Variants in GSE1 observed in about 807,000 individuals in gnomAD.
GSE1 encodes the protein genetic suppressor element 1.
A neutral mutation model predicts 112.6 loss-of-function variants in GSE1; 32 were observed. The observed-to-expected ratio is 0.28, with a 90% confidence interval of 0.21 to 0.38. The LOEUF is 0.38. Ranked by LOEUF, GSE1 falls within the 10% of genes least tolerant of loss-of-function variation. GSE1 has a pLI of 1.00. For synonymous variants in GSE1, 1,115 were observed against 735.6 expected (o/e 1.52, Z -8.35); for missense variants, 2,348 against 1,699.2 (o/e 1.38, Z -6.71).
At chr16:85,199,470 T>G (rs1285588334) in intron 1 of GSE1, among the ~76,000 whole-genome samples, 3 of 152,300 alleles carry the variant, frequency 2.0e-5, no homozygotes, top group East Asian at 3.9e-4. Context: ...GTGTTTATTT[T>G]AAAATGTAAA....
chr16:85,328,883 G>T (rs935797950), intron 1 of GSE1, among the ~76,000 whole-genome samples: 1 of 152,172 alleles, frequency 6.6e-6, no homozygotes, highest in Admixed American at 6.5e-5. Context: ...CCTTCCAGCT[G>T]CACCCCTGCC....
chr16:85,475,994 G>T (rs111530703), intron 2 of GSE1, among the ~76,000 whole-genome samples: 1 of 152,054 alleles, frequency 6.6e-6, no homozygotes, highest in African/African-American at 2.4e-5. Context: ...GCAGTGACAC[G>T]ATCTTGGCTC....
chr16:85,220,477 T>G (rs2075371883), intron 1 of GSE1, among the ~76,000 whole-genome samples: 2 of 152,208 alleles, frequency 1.3e-5, no homozygotes, highest in African/African-American at 4.8e-5. Context: ...GGGGTTTGTT[T>G]AAGTTCAGCT....
At chr16:85,627,435 T>C (rs2049170071) in intron 1 of GSE1, among the ~76,000 whole-genome samples, 1 of 151,798 alleles carries the variant, frequency 6.6e-6, no homozygotes, top group South Asian at 2.1e-4. Context: ...GCCCCTCAGT[T>C]TGAGGGTGCC....
upstream of GSE1, chr16:85,613,097 G>A (rs1000235032): frequency 2.4e-6 from 2 of 844,262 alleles, no homozygotes; most frequent in Non-Finnish European, 3.3e-6. Context: ...GGCGCCCGTC[G>A]GTGCGCGCGC....
rs1597996522 is a variant in GSE1 at position 85,507,646 on chromosome 16, A to G, written c.2465-126268A>G. ...TGAACGCCGTGTTCCCTCTGGGTGC[A>G]GGTCTGTGTCCACACCTCTTCTTCT... is the stretch of plus-strand genomic sequence containing the variant. On this transcript the variant is annotated intron_variant, in intron 2 of 2. Transcript: ENST00000637419. Among the ~76,000 whole-genome samples the G allele has an allele frequency of 2.6e-5, 4 of 152,162 alleles. No individual in the cohort carries two copies. In the South Asian group the frequency reaches 8.3e-4, roughly 32 times the overall value.
chr16:85,642,032 C>T (rs1387930318), intron 2 of GSE1, among the ~76,000 whole-genome samples: 1 of 152,282 alleles, frequency 6.6e-6, no homozygotes, highest in Non-Finnish European at 1.5e-5. Context: ...CTCCCTCCAG[C>T]TGTTCCAGCC....
chr16:85,296,530 C>T (rs533315515), intron 1 of GSE1, among the ~76,000 whole-genome samples: 1 of 152,216 alleles, frequency 6.6e-6, no homozygotes, highest in South Asian at 2.1e-4. Context: ...TCGTTTGAGC[C>T]CAGGAGGTGG....
intron 2 of GSE1, among the ~76,000 whole-genome samples, chr16:85,385,789 CAG>C (rs989744474): frequency 2.0e-5 from 3 of 152,212 alleles, no homozygotes; most frequent in African/African-American, 7.2e-5. Flanking sequence ...CTGGTGGAGA[CAG>C]AGCTGGACAG....
At chr16:85,484,855 A>G (rs978280740) in intron 2 of GSE1, among the ~76,000 whole-genome samples, 9 of 152,140 alleles carry the variant, frequency 5.9e-5, no homozygotes, top group Non-Finnish European at 1.2e-4. Context: ...CCCCGTTTCC[A>G]GTTCACGGTC....
At chr16:85,333,091 C>G (rs80019863) in intron 1 of GSE1, among the ~76,000 whole-genome samples, 2,599 of 152,192 alleles carry the variant, frequency 0.017, 80 homozygotes, top group African/African-American at 0.059. Context: ...CCCAAATCAG[C>G]CAGCACTCAC....
intron 2 of GSE1, among the ~76,000 whole-genome samples, chr16:85,422,457 C>A (rs946288555): frequency 6.6e-6 from 1 of 151,896 alleles, no homozygotes; most frequent in Non-Finnish European, 1.5e-5. Flanking sequence ...CTGGGGCCCA[C>A]GCGGGAGGCA....
At chr16:85,401,400 A>C (rs532366183) in intron 2 of GSE1, among the ~76,000 whole-genome samples, 56 of 152,232 alleles carry the variant, frequency 3.7e-4, no homozygotes, top group African/African-American at 1.2e-3. Context: ...GCAGAAAGAG[A>C]AAGATGCTGC....
At chr16:85,653,484 G>A (rs2051617188) in intron 3 of GSE1, among the ~76,000 whole-genome samples, 1 of 150,724 alleles carries the variant, frequency 6.6e-6, no homozygotes, top group African/African-American at 2.4e-5. Flanking sequence ...GGTGGGCTTT[G>A]GGCCACTGCC....
intron 1 of GSE1, among the ~76,000 whole-genome samples, chr16:85,574,922 C>T (rs944728954): frequency 2.6e-5 from 4 of 152,138 alleles, no homozygotes; most frequent in African/African-American, 9.7e-5. Context: ...CCTGAGCGTC[C>T]CCTCTTTAGA....
intron 1 of GSE1, among the ~76,000 whole-genome samples, chr16:85,220,193 C>G (rs369329285): frequency 6.6e-6 from 1 of 152,252 alleles, no homozygotes. Flanking sequence ...GGCGTTACCC[C>G]GCACCTGGGA....
intron 1 of GSE1, among the ~76,000 whole-genome samples, chr16:85,628,724 G>C (rs2049282969): frequency 6.6e-6 from 1 of 152,212 alleles, no homozygotes; most frequent in Admixed American, 6.5e-5. Context: ...CTGGTTCACT[G>C]CAGAAAAATT....
chr16:85,430,398 G>T (rs1277921106), intron 2 of GSE1, among the ~76,000 whole-genome samples: 1 of 152,188 alleles, frequency 6.6e-6, no homozygotes. Flanking sequence ...CCACAGAGAG[G>T]TTCAGCAACT....
upstream of GSE1, among the ~76,000 whole-genome samples, chr16:85,552,328 C>CTTTTTTT (rs1195413161): frequency 4.2e-5 from 2 of 47,754 alleles, no homozygotes; most frequent in African/African-American, 6.4e-5. Flanking sequence ...CCCGCCCCTC[C>CTTTTTTT]TTTTTTTTTT....
Sources: gnomAD v4.1 joint callset for allele counts (sites outside exome capture counted in the v4.1 genomes callset) on GRCh38, gnomAD v4.1.1 for gene constraint, MANE v1.5 for transcripts, NCBI Gene and HGNC (gene_info 2026-07-23, HGNC 2026-07-21) for gene names.